Variants in PDZRN4 observed in about 807,000 individuals in gnomAD.
PDZRN4 encodes PDZ domain-containing RING finger protein 4.
Under a neutral mutation model 99.0 loss-of-function variants are expected in PDZRN4, and 70 were observed. The ratio of observed to expected loss-of-function variants is 0.71; its 90% CI spans 0.58 to 0.86. The LOEUF (loss-of-function observed/expected upper bound fraction) is 0.86, where lower values mean the gene tolerates loss of function less well. PDZRN4 is among the 40% of genes least tolerant of loss of function. PDZRN4 has a pLI of 0.00. For missense variants in PDZRN4, 1,474 were observed against 1,331.2 expected, an observed-to-expected ratio of 1.11 and a Z score of -1.67; for synonymous variants, 551 against 501.6, an observed-to-expected ratio of 1.10 and a Z score of -1.32.
In PDZRN4 at chr12:41,266,581, A is replaced by T. The variant is rs1357014761; in HGVS notation, c.843+72393A>T. Among the ~76,000 whole-genome samples the T allele has an allele frequency of 2.6e-5, 4 of 152,240 alleles. No homozygotes were observed. The East Asian group carries it at 7.7e-4, about 29-fold the overall frequency. ...ACCTTAGGAAAAGATACTTTAAGAA[A>T]TCTAAGAAATTATTAAAGAAGAATG... On this transcript the variant is annotated intron_variant, in intron 3 of 9. Transcript: ENST00000402685.
intron 3 of PDZRN4, among the ~76,000 whole-genome samples, chr12:41,202,044 G>A (rs2120666965): frequency 6.6e-6 from 1 of 152,232 alleles, no homozygotes; most frequent in East Asian, 1.9e-4. Flanking sequence ...GAATGGCACT[G>A]GACCAATTAT....
intron 3 of PDZRN4, among the ~76,000 whole-genome samples, chr12:41,220,978 T>C (rs74555677): frequency 4.9e-4 from 75 of 152,306 alleles, no homozygotes; most frequent in Non-Finnish European, 9.1e-4. Flanking sequence ...CATTTTTCTG[T>C]GGACATAGAG....
rs1952564587 is a variant in PDZRN4, at chr12:41,429,174, T to C, written c.844-77282T>C. 4.6e-5 allele frequency among the ~76,000 whole-genome samples: 7 copies of C among 152,344 alleles called. No homozygotes were observed. In the South Asian group the frequency reaches 1.4e-3, roughly 32 times the overall value. On this transcript the variant is annotated intron_variant, in intron 3 of 9. Transcript: ENST00000402685. Reference sequence around the variant, plus strand: ...ATATATTTAGAGTCATCGGTAAATCTCTACCTTTACTTTTCTTAAAACCTC... The same window carrying C: ...ATATATTTAGAGTCATCGGTAAATCCCTACCTTTACTTTTCTTAAAACCTC...
intron 3 of PDZRN4, among the ~76,000 whole-genome samples, chr12:41,432,406 A>G (rs1472492053): frequency 6.6e-6 from 1 of 152,166 alleles, no homozygotes; most frequent in African/African-American, 2.4e-5. Flanking sequence ...CCTATGGGGG[A>G]AAATGTCATA....
At chr12:41,520,685 A>G (rs1938480090) in intron 5 of PDZRN4, among the ~76,000 whole-genome samples, 1 of 150,974 alleles carries the variant, frequency 6.6e-6, no homozygotes, top group South Asian at 2.1e-4. Context: ...CAGCCGCATT[A>G]TTGGCTGGTA....
At chr12:41,552,275 C>T (rs1592108759) in intron 5 of PDZRN4, among the ~76,000 whole-genome samples, 1 of 152,124 alleles carries the variant, frequency 6.6e-6, no homozygotes, top group Middle Eastern at 3.4e-3. Context: ...GTAATAGTAA[C>T]TCCTCATGTT....
chr12:41,381,434 C>G (rs1285835944), intron 3 of PDZRN4, among the ~76,000 whole-genome samples: 1 of 151,290 alleles, frequency 6.6e-6, no homozygotes, highest in African/African-American at 2.4e-5. Context: ...GTTATTCTTT[C>G]TTTTTGCTAT....
At chr12:41,202,842 T>G (rs1864613) in intron 3 of PDZRN4, among the ~76,000 whole-genome samples, 91,005 of 151,832 alleles carry the variant, frequency 0.6, 27,651 homozygotes, top group South Asian at 0.68. Context: ...TTTTCATAAT[T>G]TAGAGTATGA....
At chr12:41,335,705 A>G (rs1951768493) in intron 3 of PDZRN4, among the ~76,000 whole-genome samples, 2 of 152,144 alleles carry the variant, frequency 1.3e-5, no homozygotes, top group South Asian at 4.1e-4. Flanking sequence ...TAGTGGGAAA[A>G]TAGTCACAAT....
At chr12:41,351,577 G>A (rs1951890665) in intron 3 of PDZRN4, among the ~76,000 whole-genome samples, 1 of 151,882 alleles carries the variant, frequency 6.6e-6, no homozygotes, top group Admixed American at 6.6e-5. Context: ...ATGGCCAGAA[G>A]GAGAGAGAGA....
intron 3 of PDZRN4, among the ~76,000 whole-genome samples, chr12:41,366,944 C>T (rs12814844): frequency 6.6e-6 from 1 of 151,874 alleles, no homozygotes; most frequent in Non-Finnish European, 1.5e-5. Context: ...TGAGAGGGTG[C>T]TGGGGTGGTG....
At chr12:41,252,893 T>A (rs1951180594) in intron 3 of PDZRN4, among the ~76,000 whole-genome samples, 1 of 152,166 alleles carries the variant, frequency 6.6e-6, no homozygotes, top group Admixed American at 6.5e-5. Context: ...GGTGGTTAGT[T>A]GGGTGTACAT....
intron 3 of PDZRN4, among the ~76,000 whole-genome samples, chr12:41,371,078 G>T (rs1952038137): frequency 1.3e-5 from 2 of 150,002 alleles, no homozygotes; most frequent in African/African-American, 4.9e-5. Context: ...GTTTTTTGGT[G>T]AGCTCTTATT....
At position 41,525,912 on chromosome 12, in the gene PDZRN4, A is replaced by G. The variant is rs1938560068; in HGVS notation, c.1203+15999A>G. On this transcript the variant is annotated intron_variant, in intron 5 of 9. Coordinates refer to ENST00000402685, the MANE Select transcript of PDZRN4 (RefSeq NM_001164595.2). The stretch of plus-strand genomic sequence containing the variant: ...CATATTCTCTATTGTCCCTTTTCCC[A>G]AACATCGTAAAATAGTACTTTGATT... 2.6e-5 allele frequency among the ~76,000 whole-genome samples: 4 copies of G among 152,280 alleles called. No homozygotes were observed. In the South Asian group the frequency reaches 8.3e-4, roughly 32 times the overall value.
At chr12:41,226,966 C>T (rs1950999122) in intron 3 of PDZRN4, among the ~76,000 whole-genome samples, 1 of 152,096 alleles carries the variant, frequency 6.6e-6, no homozygotes, top group Admixed American at 6.5e-5. Context: ...GGTTTCTTGC[C>T]TGTTTGTATC....
intron 3 of PDZRN4, among the ~76,000 whole-genome samples, chr12:41,343,789 G>C (rs1951834216): frequency 6.6e-6 from 1 of 151,708 alleles, no homozygotes. Context: ...AGTATGTTAA[G>C]TACCCTGATT....
At chr12:41,391,390 T>C (rs1458429045) in intron 3 of PDZRN4, among the ~76,000 whole-genome samples, 2 of 152,138 alleles carry the variant, frequency 1.3e-5, no homozygotes, top group African/African-American at 4.8e-5. Flanking sequence ...TAGGCATAAA[T>C]TTATGAATGG....
chr12:41,373,093 A>T (rs893179138), intron 3 of PDZRN4, among the ~76,000 whole-genome samples: 1 of 152,146 alleles, frequency 6.6e-6, no homozygotes, highest in Non-Finnish European at 1.5e-5. Context: ...TGATTTTCAA[A>T]AGGTGAGGGA....
chr12:41,298,709 C>G (rs1435443697), intron 3 of PDZRN4, among the ~76,000 whole-genome samples: 1 of 152,000 alleles, frequency 6.6e-6, no homozygotes, highest in Non-Finnish European at 1.5e-5. Flanking sequence ...CTTCCAATAC[C>G]ATTAAATGAG....
Sources: allele counts gnomAD v4.1 joint callset (sites outside exome capture counted in the v4.1 genomes callset), GRCh38; gene constraint gnomAD v4.1.1; transcripts MANE v1.5; gene names NCBI Gene and HGNC (gene_info 2026-07-23, HGNC 2026-07-21).